ZNF407: variants seen among roughly 807,000 people sequenced by gnomAD.
The protein encoded by ZNF407 is zinc finger protein 407.
ZNF407 carries 17 observed loss-of-function variants against 131.2 expected under a neutral mutation model. The ratio of observed to expected loss-of-function variants is 0.13; its 90% confidence interval spans 0.09 to 0.19. The LOEUF is 0.19. Ranked by LOEUF, ZNF407 falls within the 10% of genes least tolerant of loss-of-function variation. The pLI is 1.00. For synonymous variants in ZNF407, 1,156 were observed against 1,062.0 expected (o/e 1.09, Z -1.72); for missense variants, 2,681 against 2,830.6 (o/e 0.95, Z 1.20).
rs187716978 is a variant in ZNF407 at position 74,848,248 on chromosome 18, C to T, written c.4878-28949C>T. Among the ~76,000 whole-genome samples, 421 of 152,134 alleles carry T rather than the reference C, an allele frequency of 2.8e-3. 3 individuals are homozygous for T. The highest frequency in any genetic ancestry group is 6.8e-3 in the Middle Eastern group (2 of 294). Reference sequence around the variant, plus strand: ...AGAAGAACTGAGCAGTTGCTTGTTGCGCCACATTTCTGTTTCAGATATTAA... The same window carrying T: ...AGAAGAACTGAGCAGTTGCTTGTTGTGCCACATTTCTGTTTCAGATATTAA... On this transcript the variant is annotated intron_variant, in intron 4 of 8. Coordinates refer to ENST00000299687, the MANE Select transcript of ZNF407 (RefSeq NM_017757.3).
chr18:74,641,002 A>T lies in ZNF407; in HGVS notation c.4688-6A>T. The T allele has an allele frequency of 6.2e-7, 1 of 1,604,100 alleles. No individual in the cohort carries two copies. Among genetic ancestry groups the T allele is most frequent in the Non-Finnish European group, 8.5e-7 (1 of 1,171,118 alleles). ...TCAAATCATATTTTATGTTAAATTT[A>T]CTCAGGATCAAAACCATTCAAGTGC... On this transcript the variant is annotated splice_region_variant and splice_polypyrimidine_tract_variant and intron_variant, in intron 2 of 8. Transcript: ENST00000299687.
Position 75,063,575 on chromosome 18 carries a change from G to T in ZNF407, c.5854G>T (p.Gly1952Cys). The T allele has an allele frequency of 1.3e-6, 2 of 1,568,062 alleles. No homozygotes were observed. The change falls in exon 9 of 9, where the codon GGC (glycine) becomes TGC (cysteine). Residue 1952 changes from glycine to cysteine, a missense_variant. By Grantham distance (159) the Gly-to-Cys change is radical. Around this residue, in one of 6 missense-constraint regions of ZNF407, gnomAD observed 620 missense variants for 583.1 expected, o/e 1.06. Coordinates refer to ENST00000299687, the MANE Select transcript of ZNF407 (RefSeq NM_017757.3). This position sits in a 1 kb window ranked among gnomAD's most constrained non-coding sequence, Gnocchi z 6.6. ...VVVGGSMEGHGMDESLSPGGA... is the reference protein window; with the variant it reads ...VVVGGSMEGHCMDESLSPGGA... Reference sequence around the variant, plus strand: ...CGTGGGGGGCTCCATGGAAGGCCACGGCATGGATGAGTCCCTCAGTCCAGG... The same window carrying T: ...CGTGGGGGGCTCCATGGAAGGCCACTGCATGGATGAGTCCCTCAGTCCAGG...
At chr18:74,789,110 G>T (rs937869719) in intron 4 of ZNF407, among the ~76,000 whole-genome samples, 1 of 152,174 alleles carries the variant, frequency 6.6e-6, no homozygotes, top group East Asian at 1.9e-4. Context: ...CACAGGTGAG[G>T]ATAGAGAGGC....
chr18:74,796,881 AT>A (rs1393081865), intron 4 of ZNF407, among the ~76,000 whole-genome samples: 6 of 152,196 alleles, frequency 3.9e-5, no homozygotes, highest in Admixed American at 6.5e-5. Flanking sequence ...GAGTAAGGTC[AT>A]TTGGGAGGGC....
chr18:75,059,402 T>C (rs768399411), intron 8 of ZNF407, among the ~76,000 whole-genome samples: 5 of 152,222 alleles, frequency 3.3e-5, no homozygotes, highest in Non-Finnish European at 7.3e-5. Context: ...TGGCAGTATG[T>C]CCTTTTCTGT....
intron 7 of ZNF407, among the ~76,000 whole-genome samples, chr18:74,916,197 A>AGT (rs1315281756): frequency 1.2e-5 from 1 of 80,036 alleles, no homozygotes; most frequent in Non-Finnish European, 2.2e-5. Flanking sequence ...TCGAATCGGG[A>AGT]GTGTGTGTGT....
chr18:74,688,860 G>A lies in ZNF407; in HGVS notation c.4802+47738G>A, dbSNP rs899533894. Among the ~76,000 whole-genome samples the A allele has an allele frequency of 3.3e-5, 5 of 151,890 alleles. No homozygotes were observed. In the South Asian group the frequency reaches 8.3e-4, roughly 25 times the overall value. On this transcript the variant is annotated intron_variant, in intron 3 of 8. Transcript: ENST00000299687. The stretch of plus-strand genomic sequence containing the variant: ...TTTCTTTTTTTTCAGACAGAGTCTC[G>A]CTCTGTCACCCAGGCTAGAGTGCAG...
At position 74,920,609 on chromosome 18, in the gene ZNF407, C is replaced by T; in HGVS notation, c.5345C>T (p.Thr1782Ile). 1.2e-6 allele frequency: 2 copies of T among 1,611,492 alleles called. No individual in the cohort carries two copies. The highest frequency in any genetic ancestry group is 8.5e-7 in the Non-Finnish European group (1 of 1,178,042). Residue 1782 changes from threonine to isoleucine, a missense_variant, in exon 8 of 9, where the codon ACC becomes ATC. Thr to Ile is a moderately conservative substitution (Grantham distance 89). Transcript: ENST00000299687. ...MYNCPKCDYG[T>I]NVPVEFRNHL... ...AACTGTCCCAAGTGTGACTACGGGA[C>T]CAACGTCCCGGTGGAGTTCCGGAAC...
intron 7 of ZNF407, among the ~76,000 whole-genome samples, chr18:74,892,135 A>T (rs1051760732): frequency 6.6e-6 from 1 of 152,228 alleles, no homozygotes; most frequent in African/African-American, 2.4e-5. Context: ...TAACATTAAA[A>T]ATAGCACAAG....
At chr18:75,034,488 G>C (rs1053237269) in intron 8 of ZNF407, among the ~76,000 whole-genome samples, 14 of 151,632 alleles carry the variant, frequency 9.2e-5, no homozygotes, top group African/African-American at 2.2e-4. Context: ...ATTTTTAGTG[G>C]AGACGGGGTT....
chr18:74,835,826 A>C (rs1299799525), intron 4 of ZNF407, among the ~76,000 whole-genome samples: 1 of 151,992 alleles, frequency 6.6e-6, no homozygotes, highest in African/African-American at 2.4e-5. Context: ...ACTGAGGGAG[A>C]GTCTGCCTTC....
At chr18:74,962,166 C>T (rs1162029202) in intron 8 of ZNF407, among the ~76,000 whole-genome samples, 2 of 152,030 alleles carry the variant, frequency 1.3e-5, no homozygotes, top group Non-Finnish European at 2.9e-5. Context: ...TATCTGTATC[C>T]TATACATCAG....
At chr18:75,034,974 A>C (rs189900196) in intron 8 of ZNF407, among the ~76,000 whole-genome samples, 1 of 152,320 alleles carries the variant, frequency 6.6e-6, no homozygotes, top group Admixed American at 6.5e-5. Context: ...GTTGCAGGCT[A>C]TTATACATCA....
intron 3 of ZNF407, among the ~76,000 whole-genome samples, chr18:74,658,235 C>A (rs1332647912): frequency 6.6e-6 from 1 of 152,078 alleles, no homozygotes; most frequent in Non-Finnish European, 1.5e-5. Context: ...TCTCCTGCCT[C>A]AGCCTCCCGA....
intron 8 of ZNF407, among the ~76,000 whole-genome samples, chr18:74,976,536 C>T (rs181097219): frequency 6.6e-6 from 1 of 152,232 alleles, no homozygotes; most frequent in Admixed American, 6.5e-5. Flanking sequence ...GCACAAAGAC[C>T]GAGAGCTTTT....
At chr18:74,716,789 G>A (rs1967904418) in intron 3 of ZNF407, among the ~76,000 whole-genome samples, 1 of 152,168 alleles carries the variant, frequency 6.6e-6, no homozygotes, top group Non-Finnish European at 1.5e-5. Flanking sequence ...TTTGTTTGTA[G>A]TTCAGCCTAC....
At chr18:74,999,348 TAAAAA>T (rs71170334) in intron 8 of ZNF407, among the ~76,000 whole-genome samples, 4,678 of 60,406 alleles carry the variant, frequency 0.077, 66 homozygotes, top group African/African-American at 0.15. Flanking sequence ...TAGAGTATAA[TAAAAA>T]AAAAAAAAAA....
intron 8 of ZNF407, among the ~76,000 whole-genome samples, chr18:74,953,392 C>G (rs1433385022): frequency 6.6e-6 from 1 of 150,990 alleles, no homozygotes; most frequent in Non-Finnish European, 1.5e-5. Context: ...CTGTTTTTTT[C>G]TACTTTAATT....
chr18:74,752,095 GT>G (rs1968818435), intron 3 of ZNF407, among the ~76,000 whole-genome samples: 2 of 152,170 alleles, frequency 1.3e-5, no homozygotes, highest in Non-Finnish European at 2.9e-5. Context: ...TCTCATTGTG[GT>G]TTTGATTTGC....
Sources: gnomAD v4.1 joint callset for allele counts (sites outside exome capture counted in the v4.1 genomes callset) on GRCh38, gnomAD v4.1.1 for gene constraint, gnomAD v4.1.1 regional missense constraint, Gnocchi (gnomAD v3.1) non-coding constraint, MANE v1.5 for transcripts, NCBI Gene and HGNC (gene_info 2026-07-23, HGNC 2026-07-21) for gene names.